The following AOX1 variants were observed in gnomAD, a reference collection of about 807,000 sequenced individuals.
AOX1 encodes aldehyde oxidase 1.
AOX1 carries 153 observed loss-of-function variants against 169.5 expected under a neutral mutation model. The ratio of observed to expected loss-of-function variants is 0.90; its 90% CI spans 0.79 to 1.03. The LOEUF is 1.03. AOX1 is among the 50% of genes least tolerant of loss of function. The pLI is 0.00. For synonymous variants in AOX1, 562 were observed against 581.9 expected (o/e 0.97, Z 0.49); for missense variants, 1,656 against 1,663.9 (o/e 1.00, Z 0.08).
At chr2:200,612,940 G>T in intron 14 of AOX1, 147 bp downstream of exon 14, 2 of 650,628 alleles carry the variant, frequency 3.1e-6, no homozygotes, top group Non-Finnish European at 5.2e-6. Context: ...ATAAGATTTT[G>T]TTATTATTTC....
intron 27 of AOX1, among the ~76,000 whole-genome samples, chr2:200,657,507 C>T (rs1008439253): frequency 1.3e-5 from 2 of 152,030 alleles, no homozygotes; most frequent in Non-Finnish European, 2.9e-5. Context: ...TGTTTTATTG[C>T]TAAAGAAAAT....
chr2:200,653,696 A>G lies in AOX1; in HGVS notation c.3075+2495A>G, dbSNP rs537693043. Among the ~76,000 whole-genome samples the G allele has an allele frequency of 4.6e-5, 7 of 152,282 alleles. No individual in the cohort carries two copies. The East Asian group carries it at 1.4e-3, about 29-fold the overall frequency. ...ATGCAGGCATACCTTGTTTTACTGC[A>G]CTCTGCTTTATTGCACTTCCTAGAT... On this transcript the variant is annotated intron_variant, in intron 26 of 34. Transcript: ENST00000374700.
chr2:200,586,092 C>T lies in AOX1; in HGVS notation c.-17C>T. On this transcript the variant is annotated 5_prime_UTR_variant, in exon 1 of 35. Transcript: ENST00000374700. The stretch of plus-strand genomic sequence containing the variant: ...CCGCCTCCCGCTCCGGGCCCTCGAA[C>T]CAGCGCGGACACCACAATGGACCGG... 6.4e-7 allele frequency: 1 copy of T among 1,553,642 alleles called. No individual in the cohort carries two copies. The highest frequency in any genetic ancestry group is 8.7e-7 in the Non-Finnish European group (1 of 1,149,758).
chr2:200,659,784 T>TCA (rs61398097), intron 28 of AOX1, among the ~76,000 whole-genome samples: 112 of 79,618 alleles, frequency 1.4e-3, no homozygotes, highest in African/African-American at 2.8e-3. Context: ...CAGTTCTCTC[T>TCA]CTCACACACA....
At chr2:200,641,809 C>G (rs1360800286) in intron 24 of AOX1, among the ~76,000 whole-genome samples, 1 of 152,072 alleles carries the variant, frequency 6.6e-6, no homozygotes, top group Non-Finnish European at 1.5e-5. Flanking sequence ...GCTAAGATTA[C>G]AGGCGTGAGC....
intron 20 of AOX1, among the ~76,000 whole-genome samples, chr2:200,627,711 A>G (rs2035036279): frequency 6.6e-6 from 1 of 151,846 alleles, no homozygotes; most frequent in Admixed American, 6.6e-5. Flanking sequence ...GTTGTTAGAG[A>G]TGTCATTTTC....
At chr2:200,642,574 G>C in intron 24 of AOX1, 36 bp from the exon 25 acceptor site, 1 of 1,598,884 alleles carries the variant, frequency 6.3e-7, no homozygotes. Context: ...AACAGGTTCA[G>C]AAGATCTTAA....
chr2:200,676,614 A>AG (rs1553582554), intron 4 of AOX1, among the ~76,000 whole-genome samples: 11 of 148,556 alleles, frequency 7.4e-5, no homozygotes, highest in South Asian at 4.2e-4. Context: ...AAAAAAAAAA[A>AG]AAGAAGAAGA....
Position 200,611,354 on chromosome 2 carries a change from T to A in AOX1, c.1154-30T>A, listed in dbSNP as rs755856875. On this transcript the variant is annotated intron_variant, in intron 12 of 34. Coordinates refer to ENST00000374700, the MANE Select transcript of AOX1 (RefSeq NM_001159.4). ...AAGTTTATTTAACAGACCAAACAGA[T>A]CCCAGGGAAAGTGTCATTTCTTTCC... is the stretch of plus-strand genomic sequence containing the variant. 4.0e-6 allele frequency: 6 copies of A among 1,486,234 alleles called. No individual in the cohort carries two copies. The South Asian group carries it at 6.8e-5, about 17-fold the overall frequency. 92.1% of individuals were successfully genotyped at this position (1,486,234 alleles called of 1,614,324 possible). A position where few individuals can be genotyped will look rare whatever the true frequency, so the allele number is the denominator to read the frequency against.
chr2:200,658,058 C>A (rs1043809784), intron 27 of AOX1, among the ~76,000 whole-genome samples: 1 of 152,190 alleles, frequency 6.6e-6, no homozygotes, highest in Admixed American at 6.5e-5. Flanking sequence ...AACCATCCCC[C>A]AGTTGTTTGA....
chr2:200,632,903 T>C (rs932582199), intron 20 of AOX1, among the ~76,000 whole-genome samples: 14 of 145,790 alleles, frequency 9.6e-5, no homozygotes, highest in African/African-American at 3.3e-4. Context: ...TCTTTCTTTC[T>C]TTTTTTTTTT....
chr2:200,629,949 C>CT, intron 20 of AOX1, among the ~76,000 whole-genome samples: 1 of 152,222 alleles, frequency 6.6e-6, no homozygotes, highest in East Asian at 1.9e-4. Context: ...ATTTATACTA[C>CT]TTTTCAGTAT....
intron 33 of AOX1, 112 bp from the exon 34 acceptor site, chr2:200,669,463 A>AG: frequency 8.2e-7 from 1 of 1,214,826 alleles, no homozygotes; most frequent in Non-Finnish European, 1.2e-6. Context: ...AAAAAAAAAA[A>AG]TGTACATATG....
downstream of AOX1, among the ~76,000 whole-genome samples, chr2:200,677,542 A>T (rs1030567287): frequency 1.3e-5 from 2 of 152,192 alleles, no homozygotes; most frequent in African/African-American, 4.8e-5. Flanking sequence ...CATCATTTGC[A>T]AATAATTACA....
intron 22 of AOX1, among the ~76,000 whole-genome samples, chr2:200,637,440 TATAC>T (rs1226795265): frequency 6.6e-6 from 1 of 152,156 alleles, no homozygotes; most frequent in Non-Finnish European, 1.5e-5. Context: ...TGTACCTATA[TATAC>T]ATACACACAT....
Position 200,586,375 on chromosome 2 carries a change from C to T in AOX1, c.45+222C>T, listed in dbSNP as rs557316818. ...GGACTGTCCTGGATCTTTGGGCCCC[C>T]ACCTTCCTTATGTTCCCCTTTCCTC... On this transcript the variant is annotated intron_variant, in intron 1 of 34. Coordinates refer to ENST00000374700, the MANE Select transcript of AOX1 (RefSeq NM_001159.4). Among the ~76,000 whole-genome samples, 75 of 152,334 alleles carry T rather than the reference C, an allele frequency of 4.9e-4. 1 individual carries two copies. In the South Asian group the frequency reaches 0.012, roughly 24 times the overall value.
intron 18 of AOX1, among the ~76,000 whole-genome samples, chr2:200,623,308 C>T (rs1261142794): frequency 1.3e-5 from 2 of 152,146 alleles, no homozygotes; most frequent in Admixed American, 6.5e-5. Flanking sequence ...TAGCTGTCAA[C>T]CCCCCCAGGA....
intron 25 of AOX1, among the ~76,000 whole-genome samples, chr2:200,650,327 G>A (rs2035556550): frequency 6.6e-6 from 1 of 152,162 alleles, no homozygotes; most frequent in African/African-American, 2.4e-5. Context: ...GGAGGGTGGG[G>A]AGAGTGTGTC....
At position 200,611,497 on chromosome 2, in the gene AOX1, A is replaced by C. The variant is rs776781926; in HGVS notation, c.1263+4A>C. ...GAACATCCCCTACTCAAGGAAGGTGAGAACATCCCACTGTCAATTTCCCAG... is the reference window on the plus strand; with the variant it reads ...GAACATCCCCTACTCAAGGAAGGTGCGAACATCCCACTGTCAATTTCCCAG... On this transcript the variant is annotated splice_donor_region_variant and intron_variant, in intron 13 of 34. Transcript: ENST00000374700. 1 of 1,576,968 alleles carries C rather than the reference A, an allele frequency of 6.3e-7. No homozygotes were observed. Among genetic ancestry groups the C allele is most frequent in the East Asian group, 2.2e-5 (1 of 44,680 alleles).
Sources: gnomAD v4.1 joint callset for allele counts (sites outside exome capture counted in the v4.1 genomes callset) on GRCh38, gnomAD v4.1.1 for gene constraint, MANE v1.5 for transcripts, NCBI Gene and HGNC (gene_info 2026-07-23, HGNC 2026-07-21) for gene names.